The following LRRC8D variants were observed in gnomAD, a reference collection of about 807,000 sequenced individuals.
The protein encoded by LRRC8D is leucine rich repeat containing 8 VRAC subunit D, also known as volume-regulated anion channel subunit LRRC8D.
A neutral mutation model predicts 55.8 loss-of-function variants in LRRC8D; 20 were observed. The ratio of observed to expected loss-of-function variants is 0.36; its 90% confidence interval spans 0.25 to 0.52. The LOEUF is 0.52. LRRC8D is among the 20% of genes least tolerant of loss of function. LRRC8D has a pLI of 0.93. For synonymous variants in LRRC8D, 352 were observed against 377.0 expected (o/e 0.93, Z 0.77); for missense variants, 651 against 1,030.8 (o/e 0.63, Z 5.05).
At chr1:89,871,320 G>C (rs920519848) in intron 2 of LRRC8D, among the ~76,000 whole-genome samples, 7 of 152,174 alleles carry the variant, frequency 4.6e-5, no homozygotes, top group Non-Finnish European at 1.0e-4. Flanking sequence ...AAAGCTAGTA[G>C]GTGATTACTT....
chr1:89,848,414 C>T (rs1423905534), intron 2 of LRRC8D, among the ~76,000 whole-genome samples: 3 of 152,102 alleles, frequency 2.0e-5, no homozygotes, highest in Non-Finnish European at 4.4e-5. Flanking sequence ...GGATTTATCC[C>T]TGTTCTGCAG....
At chr1:89,870,247 C>T (rs1661971325) in intron 2 of LRRC8D, among the ~76,000 whole-genome samples, 6 of 152,010 alleles carry the variant, frequency 3.9e-5, no homozygotes, top group South Asian at 2.1e-4. Context: ...GAGGCTGAGG[C>T]GGGTGGATCA....
At position 89,883,637 on chromosome 1, in the gene LRRC8D, G is replaced by A. The variant is rs1662337865; in HGVS notation, c.-3+39855G>A. On this transcript the variant is annotated intron_variant, in intron 2 of 2. Transcript: ENST00000337338. ...AAGGCTGCTGTTAAAATCACTAACT[G>A]TGGGGTTTCAGCTAGGTGGGGAAAC... 2.6e-5 allele frequency among the ~76,000 whole-genome samples: 4 copies of A among 152,294 alleles called. No homozygotes were observed. In the South Asian group the frequency reaches 8.3e-4, roughly 32 times the overall value.
intron 2 of LRRC8D, among the ~76,000 whole-genome samples, chr1:89,931,527 A>G (rs1253456630): frequency 6.6e-6 from 1 of 151,994 alleles, no homozygotes; most frequent in East Asian, 1.9e-4. Context: ...TTGGGAGGCC[A>G]AGGTGGGCAG....
At chr1:89,829,441 G>A (rs1221796459) in intron 1 of LRRC8D, among the ~76,000 whole-genome samples, 1 of 152,136 alleles carries the variant, frequency 6.6e-6, no homozygotes, top group Non-Finnish European at 1.5e-5. Context: ...GGCGGAGGTG[G>A]AATTTGAAAC....
chr1:89,843,496 A>C, intron 1 of LRRC8D, 142 bp from the exon 2 acceptor site: 2 of 497,156 alleles, frequency 4.0e-6, no homozygotes, highest in African/African-American at 2.0e-5. Context: ...CGCCACGGCC[A>C]GGGGAGCGCT....
chr1:89,877,804 C>T (rs550298165), intron 2 of LRRC8D, among the ~76,000 whole-genome samples: 122 of 152,304 alleles, frequency 8.0e-4, no homozygotes, highest in African/African-American at 2.8e-3. Flanking sequence ...CAAAAATAAA[C>T]TAGGCATTTT....
intron 2 of LRRC8D, among the ~76,000 whole-genome samples, chr1:89,883,579 G>A (rs753082973): frequency 6.6e-6 from 1 of 152,148 alleles, no homozygotes; most frequent in Non-Finnish European, 1.5e-5. Flanking sequence ...ATGCCCTGGA[G>A]GAGCCGGCCT....
intron 2 of LRRC8D, among the ~76,000 whole-genome samples, chr1:89,850,243 A>G (rs1476811456): frequency 2.0e-5 from 3 of 152,046 alleles, no homozygotes; most frequent in African/African-American, 2.4e-5. Context: ...ACTTAATTGT[A>G]TGTTCTTGGG....
At chr1:89,883,597 G>C (rs1662337340) in intron 2 of LRRC8D, among the ~76,000 whole-genome samples, 1 of 152,130 alleles carries the variant, frequency 6.6e-6, no homozygotes, top group Non-Finnish European at 1.5e-5. Context: ...CCTAGGCTGT[G>C]GATTCTGGGC....
chr1:89,841,376 GCCTCAGTATTGTCAAGACCACCCCC>G (rs2100737972), intron 1 of LRRC8D, among the ~76,000 whole-genome samples: 1 of 145,912 alleles, frequency 6.9e-6, no homozygotes, highest in East Asian at 2.1e-4. Context: ...TCGTCTGGAG[GCCTCAGTATTGTCAAGACCACCCCC>G]CCCCTTTTTT....
At position 89,836,732 on chromosome 1, in the gene LRRC8D, T is replaced by TC. The variant is rs553767081; in HGVS notation, c.-147-6904dup. On this transcript the variant is annotated intron_variant, in intron 1 of 2. Coordinates refer to ENST00000337338, the MANE Select transcript of LRRC8D (RefSeq NM_001134479.2). ...AGAGGTGGTTACTACCCATTGGACA[T>TC]CCATAGCCACTCCCTGCAAATTAAA... Among the ~76,000 whole-genome samples, 6 of 152,308 alleles carry TC rather than the reference T, an allele frequency of 3.9e-5. No individual in the cohort carries two copies. In the South Asian group the frequency reaches 1.2e-3, roughly 32 times the overall value.
intron 1 of LRRC8D, chr1:89,821,793 C>A (rs1660640213): frequency 6.6e-6 from 1 of 151,894 alleles, no homozygotes; most frequent in East Asian, 2.0e-4. Flanking sequence ...GTGGGCTGCG[C>A]TGGGAGCCCG....
chr1:89,860,785 A>AAAAT (rs1553123917), intron 2 of LRRC8D, among the ~76,000 whole-genome samples: 15 of 28,204 alleles, frequency 5.3e-4, no homozygotes, highest in Admixed American at 6.8e-4. Context: ...AAAAAAAAAA[A>AAAAT]ATATATATAT....
At chr1:89,845,960 T>C (rs1661266251) in intron 2 of LRRC8D, among the ~76,000 whole-genome samples, 2 of 152,080 alleles carry the variant, frequency 1.3e-5, no homozygotes, top group Admixed American at 6.5e-5. Context: ...TTTGTATTTT[T>C]AGTATTGATG....
chr1:89,910,307 A>G (rs1369032924), intron 2 of LRRC8D, among the ~76,000 whole-genome samples: 1 of 152,228 alleles, frequency 6.6e-6, no homozygotes, highest in Admixed American at 6.5e-5. Context: ...TCTTGGCTAT[A>G]AAATAAAGTT....
chr1:89,891,196 A>G (rs1662571298), intron 2 of LRRC8D, among the ~76,000 whole-genome samples: 1 of 152,132 alleles, frequency 6.6e-6, no homozygotes, highest in Admixed American at 6.5e-5. Flanking sequence ...TTTGTCTTTC[A>G]TAACATCAAC....
intron 1 of LRRC8D, among the ~76,000 whole-genome samples, chr1:89,836,956 A>G (rs1183355643): frequency 2.0e-5 from 3 of 152,136 alleles, no homozygotes; most frequent in Non-Finnish European, 2.9e-5. Context: ...CTTTTTCTTC[A>G]TCATACTAGT....
chr1:89,849,285 G>A (rs1661353862), intron 2 of LRRC8D, among the ~76,000 whole-genome samples: 1 of 152,134 alleles, frequency 6.6e-6, no homozygotes, highest in Non-Finnish European at 1.5e-5. Flanking sequence ...AATATTTTTG[G>A]CTTCCATGTA....
Sources: gnomAD v4.1 joint callset for allele counts (sites outside exome capture counted in the v4.1 genomes callset) on GRCh38, gnomAD v4.1.1 for gene constraint, MANE v1.5 for transcripts, NCBI Gene and HGNC (gene_info 2026-07-23, HGNC 2026-07-21) for gene names.